ASAP1: variants seen among roughly 807,000 people sequenced by gnomAD.
ASAP1 encodes arf-GAP with SH3 domain, ANK repeat and PH domain-containing protein 1.
In ASAP1, 43 loss-of-function variants were observed where a neutral mutation model predicts 145.2. The ratio of observed to expected loss-of-function variants is 0.30; its 90% CI spans 0.23 to 0.38. The LOEUF (loss-of-function observed/expected upper bound fraction) is 0.38. Among genes scored for constraint, ASAP1 ranks in the 10% least tolerant of loss-of-function variants. The pLI, the probability that ASAP1 is intolerant of heterozygous loss-of-function variation, is 1.00. For missense variants in ASAP1, 1,018 were observed against 1,355.3 expected (o/e 0.75, Z 3.91); for synonymous variants, 546 against 515.5 (o/e 1.06, Z -0.80).
At chr8:130,105,567 G>A (rs2097535581) in intron 24 of ASAP1, among the ~76,000 whole-genome samples, 1 of 152,156 alleles carries the variant, frequency 6.6e-6, no homozygotes, top group Non-Finnish European at 1.5e-5. Flanking sequence ...CAGATCTCTT[G>A]AACTTATTCC....
At chr8:130,199,570 A>G (rs1815733544) in intron 5 of ASAP1, among the ~76,000 whole-genome samples, 1 of 152,138 alleles carries the variant, frequency 6.6e-6, no homozygotes, top group Non-Finnish European at 1.5e-5. Flanking sequence ...AGGTCAGGAG[A>G]CCTGTTCTAG....
At chr8:130,284,740 C>A (rs1821491573) in intron 3 of ASAP1, among the ~76,000 whole-genome samples, 1 of 151,860 alleles carries the variant, frequency 6.6e-6, no homozygotes, top group Admixed American at 6.6e-5. Context: ...AGCATGACAG[C>A]TTTGCACAGA....
At position 130,054,748 on chromosome 8, in the gene ASAP1, G is replaced by A. The variant is rs779737528; in HGVS notation, c.3373C>T (p.His1125Tyr). 1.2e-6 allele frequency: 2 copies of A among 1,613,576 alleles called. No individual in the cohort carries two copies. The highest frequency in any genetic ancestry group is 2.2e-5 in the South Asian group (2 of 91,046). Residue 1125 changes from histidine (H) to tyrosine (Y), a missense_variant, in exon 30 of 30, where the codon CAT becomes TAT. By Grantham distance (83) the His-to-Tyr change is moderately conservative. Around this residue, in one of 9 missense-constraint regions of ASAP1, gnomAD observed 62 missense variants for 97.8 expected, o/e 0.63. Coordinates refer to ENST00000518721, the MANE Select transcript of ASAP1 (RefSeq NM_018482.4). ...GCGTTTTGCTAGTCAGACAGGATATGAACAAAGGACACTGGAAAGACCCCC... is the reference window on the plus strand; with the variant it reads ...GCGTTTTGCTAGTCAGACAGGATATAAACAAAGGACACTGGAAAGACCCCC... ...RKGVFPVSFVHILSD is the reference protein window; with the variant it reads ...RKGVFPVSFVYILSD
intron 4 of ASAP1, among the ~76,000 whole-genome samples, chr8:130,215,975 A>AAAAGGAAAGG (rs201649133): frequency 0.022 from 2,779 of 128,244 alleles, 70 homozygotes; most frequent in African/African-American, 0.046. Context: ...AAGAAAAAGA[A>AAAAGGAAAGG]AAAGGAAAGG....
intron 3 of ASAP1, among the ~76,000 whole-genome samples, chr8:130,297,567 C>T (rs1822363209): frequency 6.6e-6 from 1 of 152,210 alleles, no homozygotes; most frequent in African/African-American, 2.4e-5. Context: ...CACCTGCTGG[C>T]CTGTAATCTA....
chr8:130,189,356 T>A (rs1814975473), intron 5 of ASAP1, among the ~76,000 whole-genome samples: 3 of 152,166 alleles, frequency 2.0e-5, no homozygotes, highest in Admixed American at 1.3e-4. Flanking sequence ...ATCATTCTAT[T>A]CTCTATCTCT....
intron 3 of ASAP1, among the ~76,000 whole-genome samples, chr8:130,319,104 A>G (rs1823846515): frequency 6.6e-6 from 1 of 152,298 alleles, no homozygotes; most frequent in East Asian, 1.9e-4. Flanking sequence ...CTCTGTAGCA[A>G]TTACTGTGGT....
At chr8:130,362,016 T>C (rs75124512) in intron 2 of ASAP1, among the ~76,000 whole-genome samples, 2,943 of 152,248 alleles carry the variant, frequency 0.019, 46 homozygotes, top group East Asian at 0.067. Context: ...CTGAGGTTTC[T>C]AACACCATGA....
intron 2 of ASAP1, chr8:130,361,241 G>C: frequency 5.2e-6 from 1 of 191,624 alleles, no homozygotes; most frequent in Admixed American, 5.3e-5. Context: ...TCAATTCCAA[G>C]AGGCCCTGGG....
At chr8:130,402,320 GAC>G (rs1469433229) in intron 1 of ASAP1, among the ~76,000 whole-genome samples, 1 of 152,170 alleles carries the variant, frequency 6.6e-6, no homozygotes, top group African/African-American at 2.4e-5. Flanking sequence ...CAGACAGACA[GAC>G]AGACACCTGC....
At chr8:130,118,752 CT>C in intron 18 of ASAP1, 77 bp from the exon 19 acceptor site, 2 of 1,087,830 alleles carry the variant, frequency 1.8e-6, no homozygotes, top group Non-Finnish European at 2.5e-6. Context: ...AAACATTTCT[CT>C]TTGAGAAGTT....
At chr8:130,061,784 C>T (rs1309061245) in intron 27 of ASAP1, among the ~76,000 whole-genome samples, 1 of 152,164 alleles carries the variant, frequency 6.6e-6, no homozygotes, top group Non-Finnish European at 1.5e-5. Context: ...AGGAAAGCTC[C>T]AAATCAGTTC....
chr8:130,240,152 G>A (rs908025148), intron 3 of ASAP1, among the ~76,000 whole-genome samples: 2 of 151,966 alleles, frequency 1.3e-5, no homozygotes, highest in South Asian at 2.1e-4. Flanking sequence ...TTCCTTTTGT[G>A]GGGGGGAGCG....
At chr8:130,230,107 C>T (rs759049132) in intron 4 of ASAP1, among the ~76,000 whole-genome samples, 7 of 149,276 alleles carry the variant, frequency 4.7e-5, no homozygotes, top group Non-Finnish European at 1.0e-4. Context: ...CAAACAAACA[C>T]CAACCCCAAA....
At chr8:130,295,369 T>G (rs544031811) in intron 3 of ASAP1, among the ~76,000 whole-genome samples, 1 of 152,058 alleles carries the variant, frequency 6.6e-6, no homozygotes, top group Non-Finnish European at 1.5e-5. Context: ...GACTATCACA[T>G]TGATTAGCCA....
chr8:130,416,156 G>A (rs774163552), intron 1 of ASAP1, among the ~76,000 whole-genome samples: 5 of 152,080 alleles, frequency 3.3e-5, no homozygotes, highest in Non-Finnish European at 5.9e-5. Context: ...CCACAGGCCC[G>A]ACGCCACTCC....
chr8:130,309,993 T>C (rs1216544846), intron 3 of ASAP1, among the ~76,000 whole-genome samples: 2 of 152,218 alleles, frequency 1.3e-5, no homozygotes, highest in Non-Finnish European at 2.9e-5. Flanking sequence ...GGCTCTTTTC[T>C]AAATCGTAAT....
intron 25 of ASAP1, among the ~76,000 whole-genome samples, chr8:130,090,224 G>A (rs914113241): frequency 6.6e-6 from 1 of 152,130 alleles, no homozygotes; most frequent in African/African-American, 2.4e-5. Flanking sequence ...AGGAATGTTC[G>A]AGTCTATACA....
chr8:130,148,580 T>A (rs2097638605), intron 13 of ASAP1, among the ~76,000 whole-genome samples: 1 of 152,232 alleles, frequency 6.6e-6, no homozygotes, highest in Admixed American at 6.5e-5. Context: ...ACCCATTATT[T>A]AAACAGAATG....
Sources: gnomAD v4.1 joint callset for allele counts (sites outside exome capture counted in the v4.1 genomes callset) on GRCh38, gnomAD v4.1.1 for gene constraint, gnomAD v4.1.1 regional missense constraint, MANE v1.5 for transcripts, NCBI Gene and HGNC (gene_info 2026-07-23, HGNC 2026-07-21) for gene names.